Variants in LRRC7 observed in about 807,000 individuals in gnomAD.
LRRC7 encodes the protein leucine-rich repeat-containing protein 7.
Under a neutral mutation model 175.7 loss-of-function variants are expected in LRRC7, and 23 were observed. The observed-to-expected ratio is 0.13, with a 90% confidence interval of 0.09 to 0.19. The LOEUF is 0.19. Ranked by LOEUF, LRRC7 falls within the 10% of genes least tolerant of loss-of-function variation. The pLI, the probability that LRRC7 is intolerant of heterozygous loss-of-function variation, is 1.00. For synonymous variants in LRRC7, 685 were observed against 680.9 expected (o/e 1.01, Z -0.09); for missense variants, 1,354 against 1,904.7 (o/e 0.71, Z 5.38).
intron 1 of LRRC7, among the ~76,000 whole-genome samples, chr1:69,625,018 A>C (rs1651251411): frequency 6.6e-6 from 1 of 152,150 alleles, no homozygotes; most frequent in Non-Finnish European, 1.5e-5. Context: ...AATTCGTCAA[A>C]GACCTCAAAA....
At chr1:69,574,935 G>A (rs562040983) in intron 1 of LRRC7, among the ~76,000 whole-genome samples, 2 of 152,282 alleles carry the variant, frequency 1.3e-5, no homozygotes, top group East Asian at 3.9e-4. Flanking sequence ...TAAACTTAGA[G>A]TGAGTGTTAA....
At position 70,127,302 on chromosome 1, in the gene LRRC7, G is replaced by T. The variant is rs1192000017; in HGVS notation, c.*5415G>T. On this transcript the variant is annotated 3_prime_UTR_variant, in exon 27 of 27. Transcript: ENST00000651989. ...CTTACTTTCAACACTGCCTGCAAGA[G>T]AATGGTTTGGAAACACTCCCTGGTA... is the stretch of plus-strand genomic sequence containing the variant. Among the ~76,000 whole-genome samples, 2 of 152,194 alleles carry T rather than the reference G, an allele frequency of 1.3e-5. No individual in the cohort carries two copies. The highest frequency in any genetic ancestry group is 2.9e-5 in the Non-Finnish European group (2 of 68,034).
At chr1:70,042,783 T>C (rs1660020203) in intron 21 of LRRC7, among the ~76,000 whole-genome samples, 1 of 152,078 alleles carries the variant, frequency 6.6e-6, no homozygotes, top group Non-Finnish European at 1.5e-5. Flanking sequence ...CAATGGAAAA[T>C]CTCTATATGA....
chr1:69,812,109 G>A (rs114559873), intron 4 of LRRC7, among the ~76,000 whole-genome samples: 1,897 of 152,170 alleles, frequency 0.012, 22 homozygotes, highest in Middle Eastern at 0.041. Context: ...ATGCTTTAAG[G>A]ATGCTACATA....
At chr1:69,951,028 T>C (rs946802808) in intron 8 of LRRC7, among the ~76,000 whole-genome samples, 2 of 151,034 alleles carry the variant, frequency 1.3e-5, no homozygotes, top group African/African-American at 4.9e-5. Context: ...ATGGGAGAAA[T>C]ATTTTCAAAC....
chr1:69,700,969 C>T (rs868568018), intron 2 of LRRC7, among the ~76,000 whole-genome samples: 2 of 152,158 alleles, frequency 1.3e-5, no homozygotes, highest in African/African-American at 4.8e-5. Flanking sequence ...GACTGTCCTG[C>T]GCCCCCTTGT....
At chr1:69,919,759 C>T (rs1447721740) in intron 7 of LRRC7, 2 of 961,576 alleles carry the variant, frequency 2.1e-6, no homozygotes, top group African/African-American at 1.6e-5. Flanking sequence ...TTGAAGACCC[C>T]TGGTTTGCGC....
At chr1:69,968,803 T>C (rs1651919650) in intron 8 of LRRC7, among the ~76,000 whole-genome samples, 1 of 151,396 alleles carries the variant, frequency 6.6e-6, no homozygotes. Flanking sequence ...GTGGGGTTTT[T>C]TTGTTTTTTG....
chr1:70,029,497 A>G (rs1363450795), intron 18 of LRRC7, among the ~76,000 whole-genome samples: 2 of 91,632 alleles, frequency 2.2e-5, no homozygotes, highest in Non-Finnish European at 2.5e-5. Flanking sequence ...TTTCTAAGGG[A>G]AAAAAAATTA....
At chr1:69,942,651 C>G (rs1648848133) in intron 8 of LRRC7, among the ~76,000 whole-genome samples, 1 of 152,000 alleles carries the variant, frequency 6.6e-6, no homozygotes. Flanking sequence ...CTGCCTCTCT[C>G]ATCACATTTT....
intron 3 of LRRC7, among the ~76,000 whole-genome samples, chr1:69,772,436 TG>T (rs1472453578): frequency 6.6e-6 from 1 of 152,146 alleles, no homozygotes; most frequent in Non-Finnish European, 1.5e-5. Flanking sequence ...GGAGAAAGAC[TG>T]GGGCTAAATC....
chr1:69,890,989 C>A (rs1023841120), intron 7 of LRRC7, among the ~76,000 whole-genome samples: 7 of 152,238 alleles, frequency 4.6e-5, no homozygotes, highest in Non-Finnish European at 2.9e-5. Flanking sequence ...CTGTCCAGAC[C>A]ACTACCACTT....
intron 1 of LRRC7, among the ~76,000 whole-genome samples, chr1:69,638,804 G>A (rs1653775050): frequency 6.6e-6 from 1 of 151,702 alleles, no homozygotes; most frequent in South Asian, 2.1e-4. Context: ...AAGCAACTCT[G>A]TTTTGAATCA....
intron 4 of LRRC7, among the ~76,000 whole-genome samples, chr1:69,822,817 C>T (rs1023646495): frequency 9.2e-5 from 14 of 152,104 alleles, no homozygotes; most frequent in Admixed American, 4.6e-4. Flanking sequence ...GGAATTTGTC[C>T]GCTGGACTCC....
chr1:70,066,325 G>A (rs543297112), intron 23 of LRRC7, among the ~76,000 whole-genome samples: 68 of 152,040 alleles, frequency 4.5e-4, no homozygotes, highest in African/African-American at 1.4e-3. Flanking sequence ...ACTAAAAAGT[G>A]ACAAAGCAAG....
intron 24 of LRRC7, among the ~76,000 whole-genome samples, chr1:70,087,339 A>G (rs781446817): frequency 3.9e-5 from 6 of 152,184 alleles, no homozygotes; most frequent in Admixed American, 1.3e-4. Flanking sequence ...AACTGCATAT[A>G]CCTTCTGCAT....
rs1399646829 is a variant in LRRC7 at position 69,995,375 on chromosome 1, G to A, written c.1004+742G>A. ...TTGAGATCTTGCCCTACATCCTAGTGTGAAGAATCATATAAATTCTTTTTT... is the reference window on the plus strand; with the variant it reads ...TTGAGATCTTGCCCTACATCCTAGTATGAAGAATCATATAAATTCTTTTTT... On this transcript the variant is annotated intron_variant, in intron 11 of 26. Coordinates refer to ENST00000651989, the MANE Select transcript of LRRC7 (RefSeq NM_001370785.2). Among the ~76,000 whole-genome samples the A allele has an allele frequency of 5.9e-5, 9 of 151,822 alleles. No homozygotes were observed. The South Asian group carries it at 1.0e-3, about 18-fold the overall frequency.
intron 10 of LRRC7, among the ~76,000 whole-genome samples, chr1:69,992,448 T>G (rs1654531113): frequency 6.6e-6 from 1 of 152,144 alleles, no homozygotes; most frequent in Non-Finnish European, 1.5e-5. Flanking sequence ...TACCGTTGAT[T>G]ACTCTAGAGA....
rs573441863 is a variant in LRRC7, at chr1:69,606,704, G to A, written c.2+38063G>A. ...AGTGTTCATGAGCTGTAGAGTCCAT[G>A]GCAGTTTGACCCACTTGTGAACTAT... On this transcript the variant is annotated intron_variant, in intron 1 of 26. Coordinates refer to ENST00000651989, the MANE Select transcript of LRRC7 (RefSeq NM_001370785.2). 6.6e-5 allele frequency among the ~76,000 whole-genome samples: 10 copies of A among 152,186 alleles called. No homozygotes were observed. The East Asian group carries it at 1.9e-3, about 29-fold the overall frequency.
Sources: gnomAD v4.1 joint callset for allele counts (sites outside exome capture counted in the v4.1 genomes callset) on GRCh38, gnomAD v4.1.1 for gene constraint, MANE v1.5 for transcripts, NCBI Gene and HGNC (gene_info 2026-07-23, HGNC 2026-07-21) for gene names.